The following PRKAR1B variants were observed in gnomAD, a reference collection of about 807,000 sequenced individuals.
The protein encoded by PRKAR1B is cAMP-dependent protein kinase type I-beta regulatory subunit.
In PRKAR1B, 22 loss-of-function variants were observed where a neutral mutation model predicts 46.5. The observed-to-expected ratio is 0.47, with a 90% CI of 0.34 to 0.68. PRKAR1B has a LOEUF of 0.68. Ranked by LOEUF, PRKAR1B falls within the 30% of genes least tolerant of loss-of-function variation. The probability of loss-of-function intolerance (pLI) is 0.01; values close to 1 mark genes in which losing one functional copy is unlikely to be tolerated. For synonymous variants in PRKAR1B, 259 were observed against 217.7 expected (o/e 1.19, Z -1.67); for missense variants, 445 against 535.6 (o/e 0.83, Z 1.67).
chr7:711,364 T>C lies in PRKAR1B; in HGVS notation c.142A>G (p.Lys48Glu). The C allele has an allele frequency of 1.9e-6, 3 of 1,614,140 alleles. No individual in the cohort carries two copies. The highest frequency in any genetic ancestry group is 2.5e-6 in the Non-Finnish European group (3 of 1,180,000). Residue 48 changes from lysine to glutamate, a missense_variant, in exon 2 of 11, where the codon AAG (lysine) becomes GAG (glutamate). Lys to Glu is a moderately conservative substitution (Grantham distance 56). Around this residue, in one of 5 missense-constraint regions of PRKAR1B, gnomAD observed 155 missense variants for 127.5 expected, o/e 1.22. Coordinates refer to ENST00000537384, the MANE Select transcript of PRKAR1B (RefSeq NM_001164760.2). ...LCISKPERPMKFLREHFEKLE... is the reference protein window; with the variant it reads ...LCISKPERPMEFLREHFEKLE... The stretch of plus-strand genomic sequence containing the variant: ...TTCTCGAAGTGCTCCCGGAGGAACT[T>C]CATGGGGCGTTCGGGCTTGGAGATG...
chr7:596,088 C>A, intron 7 of PRKAR1B, 58 bp downstream of exon 7: 1 of 1,575,016 alleles, frequency 6.3e-7, no homozygotes, highest in Non-Finnish European at 8.7e-7. Flanking sequence ...CTAGGGTTCC[C>A]AGGGACGCCT....
At chr7:576,555 G>A (rs771997564) in intron 9 of PRKAR1B, among the ~76,000 whole-genome samples, 6 of 152,084 alleles carry the variant, frequency 3.9e-5, no homozygotes, top group Admixed American at 1.3e-4. Context: ...ATTCTGGGAC[G>A]TGGAGACGGA....
chr7:582,719 G>C (rs1394917562), intron 8 of PRKAR1B, among the ~76,000 whole-genome samples: 1 of 152,212 alleles, frequency 6.6e-6, no homozygotes, highest in Non-Finnish European at 1.5e-5. Flanking sequence ...TCTCGACAGC[G>C]CTGGTGAATG....
intron 4 of PRKAR1B, among the ~76,000 whole-genome samples, chr7:641,057 A>G (rs1406393915): frequency 6.6e-6 from 1 of 151,712 alleles, no homozygotes; most frequent in African/African-American, 2.4e-5. Context: ...GGTTCACGCC[A>G]TTCTCCTGCC....
chr7:700,298 G>A (rs973277366), intron 2 of PRKAR1B, among the ~76,000 whole-genome samples: 4 of 152,204 alleles, frequency 2.6e-5, no homozygotes, highest in Admixed American at 1.3e-4. Context: ...TGTTGGCATC[G>A]TCACCCACCA....
chr7:658,652 G>GT, intron 4 of PRKAR1B, among the ~76,000 whole-genome samples: 1 of 151,874 alleles, frequency 6.6e-6, no homozygotes, highest in East Asian at 1.9e-4. Flanking sequence ...AATGTTTTTT[G>GT]TTTTTTGGGT....
intron 9 of PRKAR1B, among the ~76,000 whole-genome samples, chr7:576,430 T>G (rs1399832573): frequency 6.6e-6 from 1 of 152,218 alleles, no homozygotes; most frequent in Admixed American, 6.5e-5. Flanking sequence ...TACTGCCTGA[T>G]AACGGCTCCC....
intron 9 of PRKAR1B, 123 bp from the exon 10 acceptor site, chr7:551,593 C>G (rs572866857): frequency 1.2e-5 from 11 of 932,956 alleles, no homozygotes; most frequent in African/African-American, 9.8e-5. Context: ...GTCCTTCTCC[C>G]AGAGCCACTG....
chr7:550,795 G>A (rs1784134977), intron 10 of PRKAR1B, among the ~76,000 whole-genome samples, 193 bp from the exon 11 acceptor site: 1 of 152,196 alleles, frequency 6.6e-6, no homozygotes, highest in Non-Finnish European at 1.5e-5. Flanking sequence ...CTAATGAATT[G>A]TTTATTATCT....
At chr7:721,705 G>A (rs954788786) in intron 1 of PRKAR1B, among the ~76,000 whole-genome samples, 1 of 152,094 alleles carries the variant, frequency 6.6e-6, no homozygotes, top group Non-Finnish European at 1.5e-5. Flanking sequence ...ATTCCTTAAA[G>A]GTAGGTCTGC....
At chr7:631,308 G>T (rs1053355767) in intron 4 of PRKAR1B, among the ~76,000 whole-genome samples, 14 of 152,186 alleles carry the variant, frequency 9.2e-5, no homozygotes, top group African/African-American at 3.4e-4. Context: ...GTTGACAGTG[G>T]CCAGGTGTGG....
chr7:727,742 C>T (rs1160042719), upstream of PRKAR1B: 4 of 120,486 alleles, frequency 3.3e-5, no homozygotes, highest in Admixed American at 8.8e-5. Flanking sequence ...GCCCCCTCCA[C>T]CTGCCTATCC....
At chr7:728,780 C>T (rs1781456278), upstream of PRKAR1B, among the ~76,000 whole-genome samples, 1 of 152,126 alleles carries the variant, frequency 6.6e-6, no homozygotes, top group African/African-American at 2.4e-5. Context: ...GGGACTGTGC[C>T]TCTGCCTGGA....
chr7:659,193 C>T (rs1053279479), intron 4 of PRKAR1B, among the ~76,000 whole-genome samples: 2 of 152,218 alleles, frequency 1.3e-5, no homozygotes, highest in Non-Finnish European at 2.9e-5. Context: ...CTCACTGCCT[C>T]ATCCTATATT....
At chr7:588,480 GTGA>G (rs1226249548) in intron 7 of PRKAR1B, among the ~76,000 whole-genome samples, 3 of 149,732 alleles carry the variant, frequency 2.0e-5, no homozygotes, top group East Asian at 3.9e-4. Flanking sequence ...GGTGATGGTG[GTGA>G]TGGTGGTGAG....
intron 4 of PRKAR1B, among the ~76,000 whole-genome samples, chr7:609,524 G>A (rs895276976): frequency 6.6e-6 from 1 of 152,172 alleles, no homozygotes; most frequent in African/African-American, 2.4e-5. Flanking sequence ...CACCACCCTT[G>A]CTATGCGTCT....
At chr7:682,516 T>C (rs1391333734) in intron 2 of PRKAR1B, among the ~76,000 whole-genome samples, 3 of 152,154 alleles carry the variant, frequency 2.0e-5, no homozygotes, top group African/African-American at 7.2e-5. Flanking sequence ...GAGGCCGAGA[T>C]GGGTGGATCA....
At chr7:673,485 T>C (rs111326751) in intron 4 of PRKAR1B, among the ~76,000 whole-genome samples, 1 of 151,612 alleles carries the variant, frequency 6.6e-6, no homozygotes, top group East Asian at 1.9e-4. Context: ...CCATCTCTAC[T>C]AAAAATACAA....
rs1037595714 is a variant in PRKAR1B, at chr7:622,848, C to T, written c.441-15396G>A. 9.8e-5 allele frequency among the ~76,000 whole-genome samples: 15 copies of T among 152,314 alleles called. No homozygotes were observed. In the East Asian group the frequency reaches 1.2e-3, roughly 12 times the overall value. ...TGACTTCTTATGTTTTTCAACATGA[C>T]GCTATCCAGGGGGAAAGAGTGGCCT... On this transcript the variant is annotated intron_variant, in intron 4 of 10. Coordinates refer to ENST00000537384, the MANE Select transcript of PRKAR1B (RefSeq NM_001164760.2).
Sources: gnomAD v4.1 joint callset for allele counts (sites outside exome capture counted in the v4.1 genomes callset) on GRCh38, gnomAD v4.1.1 for gene constraint, gnomAD v4.1.1 regional missense constraint, MANE v1.5 for transcripts, NCBI Gene and HGNC (gene_info 2026-07-23, HGNC 2026-07-21) for gene names.